Variants in RASGRP2 observed in about 807,000 individuals in gnomAD.
The protein encoded by RASGRP2 is RAS guanyl-releasing protein 2.
RASGRP2 carries 44 observed loss-of-function variants against 71.0 expected under a neutral mutation model. That is an observed-to-expected ratio of 0.62 (90% CI 0.49 to 0.80). RASGRP2 has a LOEUF of 0.80. Ranked by LOEUF, RASGRP2 falls within the 30% of genes least tolerant of loss-of-function variation. The pLI is 0.00. For synonymous variants in RASGRP2, 350 were observed against 330.7 expected (o/e 1.06, Z -0.63); for missense variants, 663 against 813.4 (o/e 0.82, Z 2.25).
Position 64,739,918 on chromosome 11 carries a change from AC to A in RASGRP2, c.522+94del. The A allele has an allele frequency of 6.2e-7, 1 of 1,607,864 alleles. No individual in the cohort carries two copies. Among genetic ancestry groups the A allele is most frequent in the Non-Finnish European group, 8.5e-7 (1 of 1,176,948 alleles). On this transcript the variant is annotated intron_variant, in intron 6 of 16. Coordinates refer to ENST00000394432, the MANE Select transcript of RASGRP2 (RefSeq NM_001098671.2). The surrounding 1 kb of genome is among the most constrained non-coding windows in gnomAD (Gnocchi z 4.2). ...GTGGTTACACTGAAACCCCTGATGCACCCTGTGACCCAGCCTACGCCAGGGA... is the reference window on the plus strand; with the variant it reads ...GTGGTTACACTGAAACCCCTGATGCACCTGTGACCCAGCCTACGCCAGGGA...
chr11:64,741,752 A>G (rs1420627751), intron 3 of RASGRP2, among the ~76,000 whole-genome samples: 1 of 152,140 alleles, frequency 6.6e-6, no homozygotes, highest in Non-Finnish European at 1.5e-5. Context: ...CCAAGCCTGA[A>G]GCAGGGGCAG....
Position 64,742,022 on chromosome 11 carries a change from T to A in RASGRP2, c.164A>T (p.Lys55Met), listed in dbSNP as rs749896674. The A allele has an allele frequency of 8.1e-5, 131 of 1,610,270 alleles. No individual in the cohort carries two copies. The highest frequency in any genetic ancestry group is 5.0e-4 in the Middle Eastern group (3 of 6,034). Residue 55 changes from lysine (K) to methionine (M), a missense_variant, in exon 3 of 17, where the codon AAG becomes ATG. Transcript: ENST00000394432. The surrounding 1 kb of genome is among the most constrained non-coding windows in gnomAD (Gnocchi z 4.7). ...CGGCGAAGGATATATGTGGAGCAGC[T>A]TGGCCGCCAGCTGAGAGGAGGGGAT... The part of the protein sequence containing the change: ...WYIPSSQLAA[K>M]LLHIYQQSRK...
At chr11:64,729,840 G>C (rs759761517) in intron 13 of RASGRP2, 42 bp from the exon 14 acceptor site, 2 of 1,610,318 alleles carry the variant, frequency 1.2e-6, no homozygotes, top group African/African-American at 1.3e-5. Flanking sequence ...GGGATTTAGA[G>C]GTGATGACTC....
chr11:64,740,430 C>T (rs1420097303), intron 5 of RASGRP2: 2 of 658,602 alleles, frequency 3.0e-6, no homozygotes, highest in Non-Finnish European at 5.7e-6. Context: ...GGTTCCTGCC[C>T]TCGAGGAGCT....
rs1199912897 is a variant in RASGRP2, at chr11:64,742,463, C to G, written c.73+331G>C. On this transcript the variant is annotated intron_variant, in intron 2 of 16. Transcript: ENST00000394432. This position sits in a 1 kb window ranked among gnomAD's most constrained non-coding sequence, Gnocchi z 4.7. ...ACCCCTTCACCAGATAAGCCGCCCC[C>G]CATTAGCCGGAAACAGCTCCCAGGC... The G allele has an allele frequency of 1.8e-6, 1 of 563,802 alleles. No individual in the cohort carries two copies. The highest frequency in any genetic ancestry group is 2.0e-5 in the South Asian group (1 of 48,888). The allele number at this position is 563,802 out of a possible 1,614,324, so 34.9% of individuals were successfully genotyped here.
chr11:64,733,828 G>A (rs2057839836), intron 12 of RASGRP2, among the ~76,000 whole-genome samples: 1 of 150,420 alleles, frequency 6.6e-6, no homozygotes, highest in African/African-American at 2.4e-5. Flanking sequence ...GGAAAGAGGG[G>A]ACTTTCATTT....
Position 64,729,713 on chromosome 11 carries a change from C to CAA in RASGRP2, c.1591+47_1591+48dup, listed in dbSNP as rs34152691. The CAA allele has an allele frequency of 2.0e-3, 3,172 of 1,573,852 alleles. 5 individuals carry two copies. The highest frequency in any genetic ancestry group is 0.014 in the African/African-American group (982 of 69,628). ...ACAGTAACTCTCCCAAACAAACAAA[C>CAA]AAAAAAAAAAAACACTGCCCAGCAG... On this transcript the variant is annotated intron_variant, in intron 14 of 16. Transcript: ENST00000394432.
At chr11:64,740,196 G>A (rs756660493) in intron 5 of RASGRP2, 33 bp from the exon 6 acceptor site, 4 of 1,613,578 alleles carry the variant, frequency 2.5e-6, no homozygotes, top group South Asian at 1.1e-5. Flanking sequence ...CCCTTTGCTG[G>A]ACATGCGCAT....
At chr11:64,737,111 G>C in intron 8 of RASGRP2, 77 bp from the exon 9 acceptor site, 1 of 1,568,058 alleles carries the variant, frequency 6.4e-7, no homozygotes, top group Non-Finnish European at 8.7e-7. Context: ...AGGAGGGGGT[G>C]AGGAGGAGTC....
rs748501207 is a variant in RASGRP2 at position 64,743,215 on chromosome 11, G to T, written c.-71-278C>A. ...AACCAAGATCCCAGGACTGGCTGGC[G>T]CCCAGCCCCCCGCAGGGCGCCTTCT... On this transcript the variant is annotated intron_variant, in intron 1 of 16. Coordinates refer to ENST00000394432, the MANE Select transcript of RASGRP2 (RefSeq NM_001098671.2). The surrounding 1 kb of genome is among the most constrained non-coding windows in gnomAD (Gnocchi z 4.9). 3 of 528,904 alleles carry T rather than the reference G, an allele frequency of 5.7e-6. No individual in the cohort carries two copies. Among genetic ancestry groups the T allele is most frequent in the South Asian group, 4.6e-5 (3 of 65,168 alleles). The allele number at this position is 528,904 out of a possible 1,614,324, so 32.8% of individuals were successfully genotyped here.
intron 12 of RASGRP2, 108 bp from the exon 13 acceptor site, chr11:64,730,302 G>T: frequency 7.1e-7 from 1 of 1,412,560 alleles, no homozygotes; most frequent in Non-Finnish European, 9.7e-7. Context: ...TCCTGATTTT[G>T]GACTCCTGTT....
intron 3 of RASGRP2, 21 bp downstream of exon 3, chr11:64,741,989 G>A (rs771291992): frequency 3.8e-5 from 60 of 1,593,126 alleles, no homozygotes; most frequent in Non-Finnish European, 5.0e-5. Flanking sequence ...CGGGGGCCTT[G>A]GCAAGGCCGG....
chr11:64,735,732 AG>A lies in RASGRP2; in HGVS notation c.1174-69del. 1 of 1,559,722 alleles carries A rather than the reference AG, an allele frequency of 6.4e-7. No homozygotes were observed. Among genetic ancestry groups the A allele is most frequent in the Non-Finnish European group, 8.7e-7 (1 of 1,150,410 alleles). ...AAGCCCAGAGCCCCGGGGAACAGAG[AG>A]GGGAATCCCTGGGAGAGGGAAGTCT... On this transcript the variant is annotated intron_variant, in intron 10 of 16. Coordinates refer to ENST00000394432, the MANE Select transcript of RASGRP2 (RefSeq NM_001098671.2). This position sits in a 1 kb window ranked among gnomAD's most constrained non-coding sequence, Gnocchi z 4.2.
chr11:64,741,548 C>T (rs1302510492), intron 3 of RASGRP2, 47 bp from the exon 4 acceptor site: 1 of 1,485,422 alleles, frequency 6.7e-7, no homozygotes. Context: ...AAAGGGAGGC[C>T]TGCGTGGAGG....
At position 64,735,808 on chromosome 11, in the gene RASGRP2, A is replaced by G; in HGVS notation, c.1173+95T>C. Reference sequence around the variant, plus strand: ...AGGATGCCTCTGTCCTACAAGATGGATGGGTGAGGTGGCTGCTAAGAGCTC... The same window carrying G: ...AGGATGCCTCTGTCCTACAAGATGGGTGGGTGAGGTGGCTGCTAAGAGCTC... On this transcript the variant is annotated intron_variant, in intron 10 of 16. Coordinates refer to ENST00000394432, the MANE Select transcript of RASGRP2 (RefSeq NM_001098671.2). The surrounding 1 kb of genome is among the most constrained non-coding windows in gnomAD (Gnocchi z 4.2). 1.3e-6 allele frequency: 2 copies of G among 1,481,744 alleles called. No individual in the cohort carries two copies. The highest frequency in any genetic ancestry group is 1.9e-6 in the Non-Finnish European group (2 of 1,079,842). 91.8% of individuals were successfully genotyped at this position (1,481,744 alleles called of 1,614,324 possible). A position where few individuals can be genotyped will look rare whatever the true frequency, so the allele number is the denominator to read the frequency against.
In RASGRP2 at chr11:64,739,300, C is replaced by T; in HGVS notation, c.813+60G>A. The stretch of plus-strand genomic sequence containing the variant: ...CAGCTGTGCCCAGCCCCCAGTGCTG[C>T]TGGGAGGACCCAGTGAAGACAGACC... On this transcript the variant is annotated intron_variant, in intron 8 of 16. Transcript: ENST00000394432. The surrounding 1 kb of genome is among the most constrained non-coding windows in gnomAD (Gnocchi z 4.2). 7.6e-7 allele frequency: 1 copy of T among 1,323,520 alleles called. No homozygotes were observed. The highest frequency in any genetic ancestry group is 1.2e-5 in the South Asian group (1 of 85,018). The allele number at this position is 1,323,520 out of a possible 1,614,324, so 82.0% of individuals were successfully genotyped here.
rs1161324506 is a variant in RASGRP2 at position 64,740,088 on chromosome 11, C to G, written c.447G>C (p.Leu149Phe). The change falls in exon 6 of 17, where the codon TTG becomes TTC. Residue 149 changes from leucine to phenylalanine, a missense_variant. Transcript: ENST00000394432. The part of the protein sequence containing the change: ...VGQKKRKMSL[L>F]FDHLEPMELA... Reference sequence around the variant, plus strand: ...GCTCCATGGGCTCCAGGTGGTCAAACAACAGGGACATCTTGCGCTTTTTCT... The same window carrying G: ...GCTCCATGGGCTCCAGGTGGTCAAAGAACAGGGACATCTTGCGCTTTTTCT... 4.3e-6 allele frequency: 7 copies of G among 1,614,070 alleles called. No individual in the cohort carries two copies. The Admixed American group carries it at 5.0e-5, about 12-fold the overall frequency.
Position 64,735,062 on chromosome 11 carries a change from A to G in RASGRP2, c.1412+50T>C. 1 of 1,363,498 alleles carries G rather than the reference A, an allele frequency of 7.3e-7. No homozygotes were observed. 84.5% of individuals were successfully genotyped at this position (1,363,498 alleles called of 1,614,324 possible). A position where few individuals can be genotyped will look rare whatever the true frequency, so the allele number is the denominator to read the frequency against. On this transcript the variant is annotated intron_variant, in intron 12 of 16. Coordinates refer to ENST00000394432, the MANE Select transcript of RASGRP2 (RefSeq NM_001098671.2). This position sits in a 1 kb window ranked among gnomAD's most constrained non-coding sequence, Gnocchi z 4.2. Reference sequence around the variant, plus strand: ...ACACAAGAAACTGAAGCCCAGGCAGAAGTGGGCTGAGTTGCCTTCCCTCTC... The same window carrying G: ...ACACAAGAAACTGAAGCCCAGGCAGGAGTGGGCTGAGTTGCCTTCCCTCTC...
chr11:64,737,362 G>C, intron 8 of RASGRP2: 1 of 378,692 alleles, frequency 2.6e-6, no homozygotes, highest in Non-Finnish European at 5.0e-6. Context: ...CAGCCACCCC[G>C]TCCAAACAGC....
Sources: gnomAD v4.1 joint callset for allele counts (sites outside exome capture counted in the v4.1 genomes callset) on GRCh38, gnomAD v4.1.1 for gene constraint, Gnocchi (gnomAD v3.1) non-coding constraint, MANE v1.5 for transcripts, NCBI Gene and HGNC (gene_info 2026-07-23, HGNC 2026-07-21) for gene names.